The following PATJ variants were observed in gnomAD, a reference collection of about 807,000 sequenced individuals.
The protein encoded by PATJ is inaD-like protein.
Under a neutral mutation model 224.9 loss-of-function variants are expected in PATJ, and 190 were observed. The observed-to-expected ratio is 0.84, with a 90% CI of 0.75 to 0.95. PATJ has a LOEUF of 0.95. Among genes scored for constraint, PATJ ranks in the 40% least tolerant of loss-of-function variants. The pLI, the probability that PATJ is intolerant of heterozygous loss-of-function variation, is 0.00. For synonymous variants in PATJ, 769 were observed against 820.3 expected (o/e 0.94, Z 1.07); for missense variants, 2,121 against 2,270.3 (o/e 0.93, Z 1.34).
At chr1:62,046,479 C>T (rs1007688017) in intron 30 of PATJ, among the ~76,000 whole-genome samples, 2 of 152,146 alleles carry the variant, frequency 1.3e-5, no homozygotes, top group African/African-American at 4.8e-5. Flanking sequence ...TCTACGGAGT[C>T]ATCTCAGACT....
chr1:61,991,702 C>T (rs1569757772), intron 28 of PATJ: 1 of 983,930 alleles, frequency 1.0e-6, no homozygotes, highest in Middle Eastern at 5.2e-4. Context: ...ACGAATGGGA[C>T]CCACATTGGG....
chr1:62,139,166 C>T (rs1329414182), intron 41 of PATJ, among the ~76,000 whole-genome samples: 4 of 151,946 alleles, frequency 2.6e-5, no homozygotes, highest in African/African-American at 7.3e-5. Context: ...TTTGAGAGGC[C>T]GAGGCAGGCG....
In PATJ at chr1:61,864,380, T is replaced by A; in HGVS notation, c.2582T>A (p.Leu861Ter). 1 of 1,614,032 alleles carries A rather than the reference T, an allele frequency of 6.2e-7. No individual in the cohort carries two copies. The highest frequency in any genetic ancestry group is 8.5e-7 in the Non-Finnish European group (1 of 1,179,914). Residue 861 changes from leucine to a stop codon, truncating the protein, a stop_gained, in exon 20 of 44, where the codon TTG becomes TAG. Coordinates refer to ENST00000642238, the MANE Select transcript of PATJ (RefSeq NM_001350145.3). LOFTEE classifies it high-confidence loss of function. ...ATGCATGAATTTCTGACTCCTAGAT[T>A]GCAGGAAATGGATGAAGAAAGAGAA... is the stretch of plus-strand genomic sequence containing the variant. ...WEMHEFLTPR[L>*]QEMDEEREIL...
chr1:61,910,795 C>A (rs1436484135), intron 25 of PATJ, among the ~76,000 whole-genome samples: 1 of 151,790 alleles, frequency 6.6e-6, no homozygotes. Context: ...AATCCTCCTG[C>A]CTTGGCCTCC....
rs369863473 is a variant in PATJ at position 61,871,442 on chromosome 1, TAC to T, written c.2836-3797_2836-3796del. Among the ~76,000 whole-genome samples the T allele has an allele frequency of 1.2e-3, 36 of 29,040 alleles. No homozygotes were observed. In the South Asian group the frequency reaches 0.022, roughly 18 times the overall value. The allele number at this position is 29,040 out of a possible 152,430, so 19.1% of individuals were successfully genotyped here. A position where few individuals can be genotyped will look rare whatever the true frequency, so the allele number is the denominator to read the frequency against. ...ATATATGTACATATATATGTGTATATACACATATATATGCGTATATATATGTA... is the reference window on the plus strand; with the variant it reads ...ATATATGTACATATATATGTGTATATACATATATATGCGTATATATATGTA... On this transcript the variant is annotated intron_variant, in intron 20 of 43. Transcript: ENST00000642238.
chr1:61,759,930 T>C (rs920699231), intron 1 of PATJ, among the ~76,000 whole-genome samples: 1 of 152,236 alleles, frequency 6.6e-6, no homozygotes, highest in Admixed American at 6.5e-5. Flanking sequence ...TAAACTATTA[T>C]TAATCTCTAA....
intron 43 of PATJ, among the ~76,000 whole-genome samples, chr1:62,159,850 G>C (rs1382396997): frequency 1.3e-5 from 2 of 152,056 alleles, no homozygotes; most frequent in African/African-American, 4.8e-5. Flanking sequence ...AGCAGGTTTT[G>C]AATATTCTTT....
intron 20 of PATJ, among the ~76,000 whole-genome samples, chr1:61,869,322 G>A (rs1351253119): frequency 2.0e-5 from 3 of 151,978 alleles, no homozygotes; most frequent in Non-Finnish European, 2.9e-5. Flanking sequence ...TAGCCGGGAT[G>A]GTCTCGATCT....
chr1:61,884,161 C>T, intron 21 of PATJ, 76 bp from the exon 22 acceptor site: 1 of 1,107,206 alleles, frequency 9.0e-7, no homozygotes, highest in Non-Finnish European at 1.3e-6. Context: ...ATAGTAGGTG[C>T]CCATACCTAG....
At chr1:61,971,945 T>TAC (rs1311745537) in intron 27 of PATJ, among the ~76,000 whole-genome samples, 1 of 151,948 alleles carries the variant, frequency 6.6e-6, no homozygotes, top group African/African-American at 2.4e-5. Context: ...GCCATGACCA[T>TAC]ACCACTGCAC....
At position 61,795,447 on chromosome 1, in the gene PATJ, G is replaced by T; in HGVS notation, c.1169-20G>T. On this transcript the variant is annotated intron_variant, in intron 9 of 43. Transcript: ENST00000642238. Reference sequence around the variant, plus strand: ...TAATTAGAATTTTCTTCCTTTTTCCGTATGTCTGTGCACCTTAAGGGGAAG... The same window carrying T: ...TAATTAGAATTTTCTTCCTTTTTCCTTATGTCTGTGCACCTTAAGGGGAAG... The T allele has an allele frequency of 2.1e-6, 3 of 1,457,018 alleles. No homozygotes were observed. The highest frequency in any genetic ancestry group is 1.3e-5 in the South Asian group (1 of 75,924). 90.3% of individuals were successfully genotyped at this position (1,457,018 alleles called of 1,614,324 possible).
intron 31 of PATJ, among the ~76,000 whole-genome samples, chr1:62,068,169 T>A (rs549265603): frequency 3.3e-4 from 51 of 152,326 alleles, no homozygotes; most frequent in African/African-American, 1.2e-3. Context: ...CCTGGATGCA[T>A]CTGAGTTTGT....
At chr1:61,849,614 A>G (rs1451363255) in intron 17 of PATJ, among the ~76,000 whole-genome samples, 2 of 123,738 alleles carry the variant, frequency 1.6e-5, no homozygotes, top group Non-Finnish European at 4.0e-5. Flanking sequence ...AAGAGACTCT[A>G]TGAGTTAACC....
intron 27 of PATJ, among the ~76,000 whole-genome samples, chr1:61,982,306 A>C (rs565221122): frequency 7.9e-5 from 12 of 152,112 alleles, no homozygotes; most frequent in African/African-American, 2.7e-4. Context: ...CCTGACAAAT[A>C]ATCTAAGGAG....
At chr1:61,743,014 GA>G (rs1409514722) in intron 1 of PATJ, among the ~76,000 whole-genome samples, 3 of 152,118 alleles carry the variant, frequency 2.0e-5, no homozygotes, top group Non-Finnish European at 4.4e-5. Flanking sequence ...GAGCTGGGCG[GA>G]GTCTTTCCCT....
chr1:62,082,788 A>AT (rs1558143810), intron 32 of PATJ, among the ~76,000 whole-genome samples: 1 of 151,494 alleles, frequency 6.6e-6, no homozygotes, highest in Non-Finnish European at 1.5e-5. Flanking sequence ...TTTTCTTTTG[A>AT]TTTTTTTTCA....
rs556315779 is a variant in PATJ at position 61,859,653 on chromosome 1, T to C, written c.2323-1898T>C. On this transcript the variant is annotated intron_variant, in intron 18 of 43. Transcript: ENST00000642238. ...TGTTTTTTGAGATGGAGTTTCACTC[T>C]TGTTGCCCAGGCTGGAGTGCAAATG... Among the ~76,000 whole-genome samples the C allele has an allele frequency of 1.1e-4, 16 of 152,182 alleles. 1 individual carries two copies. In the East Asian group the frequency reaches 3.1e-3, roughly 29 times the overall value.
intron 28 of PATJ, 178 bp downstream of exon 28, chr1:61,990,542 T>C (rs564072256): frequency 2.2e-6 from 1 of 452,540 alleles, no homozygotes; most frequent in East Asian, 3.5e-5. Flanking sequence ...TGTTATTTGC[T>C]GCTTAAGTAA....
chr1:61,805,021 GTGGGCAGC>G (rs1355779034), intron 12 of PATJ, among the ~76,000 whole-genome samples: 3 of 152,168 alleles, frequency 2.0e-5, no homozygotes, highest in African/African-American at 7.2e-5. Context: ...TACTTTTCTA[GTGGGCAGC>G]TGGAATGGAA....
Sources: gnomAD v4.1 joint callset for allele counts (sites outside exome capture counted in the v4.1 genomes callset) on GRCh38, gnomAD v4.1.1 for gene constraint, MANE v1.5 for transcripts, NCBI Gene and HGNC (gene_info 2026-07-23, HGNC 2026-07-21) for gene names.